TMEM108: variants seen among roughly 807,000 people sequenced by gnomAD.
The protein encoded by TMEM108 is transmembrane protein 108.
In TMEM108, 12 loss-of-function variants were observed where a neutral mutation model predicts 35.1. That is an observed-to-expected ratio of 0.34 (90% CI 0.22 to 0.55). TMEM108 has a LOEUF of 0.55. Ranked by LOEUF, TMEM108 falls within the 20% of genes least tolerant of loss-of-function variation. The pLI is 0.89. For missense variants in TMEM108, 680 were observed against 753.3 expected, an observed-to-expected ratio of 0.90 and a Z score of 1.14; for synonymous variants, 287 against 308.6, an observed-to-expected ratio of 0.93 and a Z score of 0.73.
chr3:133,324,023 A>C (rs2370407), intron 3 of TMEM108, among the ~76,000 whole-genome samples: 48,398 of 152,060 alleles, frequency 0.32, 8,490 homozygotes, highest in East Asian at 0.48. Context: ...ACAAAAATCA[A>C]CTCAAGATAG....
At chr3:133,364,982 A>G (rs552514773) in intron 3 of TMEM108, among the ~76,000 whole-genome samples, 1 of 152,330 alleles carries the variant, frequency 6.6e-6, no homozygotes, top group South Asian at 2.1e-4. Context: ...AGTCTTCCCA[A>G]ATTGAAGCAA....
intron 3 of TMEM108, among the ~76,000 whole-genome samples, chr3:133,265,127 A>G (rs1946678452): frequency 1.3e-5 from 2 of 152,240 alleles, no homozygotes; most frequent in Non-Finnish European, 2.9e-5. Context: ...CACTCACATT[A>G]ATCAAAGATT....
At chr3:133,089,827 C>A (rs1184841436) in intron 2 of TMEM108, among the ~76,000 whole-genome samples, 8 of 152,188 alleles carry the variant, frequency 5.3e-5, no homozygotes, top group Admixed American at 1.3e-4. Flanking sequence ...GAATAGACAG[C>A]AAATAGATTT....
At chr3:133,320,182 T>C (rs555195854) in intron 3 of TMEM108, among the ~76,000 whole-genome samples, 2 of 152,120 alleles carry the variant, frequency 1.3e-5, no homozygotes, top group African/African-American at 4.8e-5. Flanking sequence ...AGAAGAAATA[T>C]CTGAATTGCC....
chr3:133,389,376 T>C, intron 4 of TMEM108: 7 of 985,442 alleles, frequency 7.1e-6, no homozygotes, highest in Non-Finnish European at 8.4e-6. Flanking sequence ...AAGGCAGGAA[T>C]CAGCTGGTAA....
At chr3:133,147,710 G>A (rs1944741957) in intron 2 of TMEM108, among the ~76,000 whole-genome samples, 1 of 152,040 alleles carries the variant, frequency 6.6e-6, no homozygotes, top group Non-Finnish European at 1.5e-5. Flanking sequence ...TTTATTTAAA[G>A]AATCTCAATG....
chr3:133,282,831 AT>A (rs1946933883), intron 3 of TMEM108, among the ~76,000 whole-genome samples: 1 of 152,208 alleles, frequency 6.6e-6, no homozygotes, highest in African/African-American at 2.4e-5. Context: ...AAATTATTTG[AT>A]TTTAAAAAAA....
intron 3 of TMEM108, among the ~76,000 whole-genome samples, chr3:133,336,563 G>A (rs1447264398): frequency 6.6e-6 from 1 of 152,042 alleles, no homozygotes; most frequent in Non-Finnish European, 1.5e-5. Flanking sequence ...TTTGCCATGG[G>A]TCTTGGGTGG....
At chr3:133,145,409 T>G (rs1944704021) in intron 2 of TMEM108, among the ~76,000 whole-genome samples, 1 of 152,210 alleles carries the variant, frequency 6.6e-6, no homozygotes, top group Non-Finnish European at 1.5e-5. Context: ...TGCCTCCAGC[T>G]TTATTGTTTT....
chr3:133,350,325 G>T, intron 3 of TMEM108, among the ~76,000 whole-genome samples: 1 of 152,192 alleles, frequency 6.6e-6, no homozygotes, highest in African/African-American at 2.4e-5. Flanking sequence ...ATAGGTAAAA[G>T]GTTACAACCA....
chr3:133,253,621 T>A (rs1177524047), intron 3 of TMEM108, among the ~76,000 whole-genome samples: 1 of 152,206 alleles, frequency 6.6e-6, no homozygotes, highest in Non-Finnish European at 1.5e-5. Context: ...ATTTATCAAA[T>A]TCTTTAACTC....
At chr3:133,156,656 A>G (rs116340921) in intron 2 of TMEM108, among the ~76,000 whole-genome samples, 3,178 of 152,318 alleles carry the variant, frequency 0.021, 49 homozygotes, top group South Asian at 0.066. Flanking sequence ...ACAATGCAGG[A>G]TTCTTATATA....
chr3:133,229,734 T>C (rs74623811), intron 3 of TMEM108, among the ~76,000 whole-genome samples: 2,653 of 152,334 alleles, frequency 0.017, 82 homozygotes, highest in African/African-American at 0.061. Context: ...CTGCTGTAGA[T>C]TCCTCATGAA....
chr3:133,263,207 T>C (rs1456755513), intron 3 of TMEM108, among the ~76,000 whole-genome samples: 2 of 152,068 alleles, frequency 1.3e-5, no homozygotes, highest in Non-Finnish European at 2.9e-5. Context: ...AATACTGTAG[T>C]GGTAAATTAA....
intron 2 of TMEM108, among the ~76,000 whole-genome samples, chr3:133,052,329 C>T (rs1943414773): frequency 6.6e-6 from 1 of 151,776 alleles, no homozygotes; most frequent in Non-Finnish European, 1.5e-5. Context: ...GTATATTATT[C>T]TAGTATCCTG....
chr3:133,092,576 T>C (rs937846248), intron 2 of TMEM108, among the ~76,000 whole-genome samples: 1 of 152,242 alleles, frequency 6.6e-6, no homozygotes, highest in Non-Finnish European at 1.5e-5. Context: ...ACATGGTTTT[T>C]ACGTAGTGTG....
At chr3:133,043,233 T>G (rs1303486729) in intron 1 of TMEM108, among the ~76,000 whole-genome samples, 1 of 152,196 alleles carries the variant, frequency 6.6e-6, no homozygotes, top group African/African-American at 2.4e-5. Context: ...ATGTATTTGA[T>G]CTTATACATT....
At chr3:133,308,371 A>G (rs57540547) in intron 3 of TMEM108, among the ~76,000 whole-genome samples, 1,923 of 152,076 alleles carry the variant, frequency 0.013, 49 homozygotes, top group African/African-American at 0.043. Context: ...TTGCGTGATT[A>G]CCCTGGCCAG....
At chr3:133,201,117 C>T (rs1231885000) in intron 2 of TMEM108, among the ~76,000 whole-genome samples, 3 of 152,140 alleles carry the variant, frequency 2.0e-5, no homozygotes, top group African/African-American at 7.2e-5. Context: ...AAATTTCTGC[C>T]TTCCCAGAAC....
Sources: allele counts gnomAD v4.1 joint callset (sites outside exome capture counted in the v4.1 genomes callset), GRCh38; gene constraint gnomAD v4.1.1; transcripts MANE v1.5; gene names NCBI Gene and HGNC (gene_info 2026-07-23, HGNC 2026-07-21).